SULF1: variants seen among roughly 807,000 people sequenced by gnomAD.
SULF1 encodes extracellular sulfatase Sulf-1.
A neutral mutation model predicts 110.5 loss-of-function variants in SULF1; 46 were observed. The ratio of observed to expected loss-of-function variants is 0.42; its 90% CI spans 0.33 to 0.53. SULF1 has a LOEUF of 0.53. Among genes scored for constraint, SULF1 ranks in the 20% least tolerant of loss-of-function variants. SULF1 has a pLI of 0.12. For synonymous variants in SULF1, 371 were observed against 387.1 expected (o/e 0.96, Z 0.49); for missense variants, 941 against 1,094.2 (o/e 0.86, Z 1.98).
intron 3 of SULF1, among the ~76,000 whole-genome samples, chr8:69,534,350 C>T (rs1399421094): frequency 6.6e-6 from 1 of 152,150 alleles, no homozygotes; most frequent in East Asian, 1.9e-4. Context: ...ATTAAGATCA[C>T]TACATTGTGC....
chr8:69,607,171 G>A (rs1011744002), intron 13 of SULF1, among the ~76,000 whole-genome samples: 3 of 152,228 alleles, frequency 2.0e-5, no homozygotes, highest in African/African-American at 7.2e-5. Flanking sequence ...CCAGCAATCT[G>A]TGTGTTAACA....
rs143819727 is a variant in SULF1 at position 69,632,028 on chromosome 8, A to G, written c.2284+2349A>G. 1.8e-4 allele frequency among the ~76,000 whole-genome samples: 28 copies of G among 152,364 alleles called. No homozygotes were observed. In the East Asian group the frequency reaches 5.4e-3, roughly 29 times the overall value. ...TGATACTGTATTCCTGACCCAAAGG[A>G]ATTGCTTAGTCAATTTTAGGTGAAT... On this transcript the variant is annotated intron_variant, in intron 19 of 22. Coordinates refer to ENST00000402687, the MANE Select transcript of SULF1 (RefSeq NM_001128205.2).
intron 13 of SULF1, 131 bp downstream of exon 13, chr8:69,605,063 C>G (rs1341294379): frequency 8.0e-7 from 1 of 1,249,406 alleles, no homozygotes; most frequent in African/African-American, 1.5e-5. Context: ...AGGGCAAGCT[C>G]ACTGAGACAC....
At chr8:69,624,343 T>A in intron 15 of SULF1, 146 bp downstream of exon 15, 1 of 1,072,984 alleles carries the variant, frequency 9.3e-7, no homozygotes, top group Non-Finnish European at 1.3e-6. Context: ...AACTGGGGGT[T>A]AAAGAAACAA....
At chr8:69,500,676 A>G (rs1810732317) in intron 2 of SULF1, among the ~76,000 whole-genome samples, 1 of 152,182 alleles carries the variant, frequency 6.6e-6, no homozygotes, top group African/African-American at 2.4e-5. Flanking sequence ...CACCATGGAG[A>G]CAGGATGGAA....
intron 3 of SULF1, among the ~76,000 whole-genome samples, chr8:69,506,298 G>A (rs1351664881): frequency 6.6e-6 from 1 of 151,870 alleles, no homozygotes; most frequent in Non-Finnish European, 1.5e-5. Flanking sequence ...CTGTTTAGTT[G>A]CATTTTAATG....
chr8:69,587,182 T>G (rs1303328676), intron 7 of SULF1, among the ~76,000 whole-genome samples: 1 of 152,214 alleles, frequency 6.6e-6, no homozygotes, highest in Non-Finnish European at 1.5e-5. Context: ...AGTTTAAATT[T>G]TTTTCAAATC....
intron 1 of SULF1, among the ~76,000 whole-genome samples, chr8:69,494,192 G>A (rs1349890890): frequency 1.3e-5 from 2 of 152,058 alleles, no homozygotes; most frequent in Admixed American, 1.3e-4. Flanking sequence ...TGATTCATTT[G>A]TAAGGCTTTA....
chr8:69,512,695 C>T (rs1047490124), intron 3 of SULF1, among the ~76,000 whole-genome samples: 2 of 152,156 alleles, frequency 1.3e-5, no homozygotes, highest in East Asian at 1.9e-4. Context: ...TGTCTTAGCA[C>T]GAGTGTTCTT....
intron 3 of SULF1, among the ~76,000 whole-genome samples, chr8:69,535,692 T>C (rs542287885): frequency 1.3e-5 from 2 of 152,002 alleles, no homozygotes; most frequent in African/African-American, 2.4e-5. Flanking sequence ...TATTAGAAAA[T>C]GTATGCCACC....
intron 3 of SULF1, among the ~76,000 whole-genome samples, chr8:69,553,618 C>T (rs540028495): frequency 6.6e-6 from 1 of 152,326 alleles, no homozygotes; most frequent in South Asian, 2.1e-4. Flanking sequence ...AGATTCACAA[C>T]TTTATAAAGC....
At chr8:69,590,266 A>C (rs892107042) in intron 8 of SULF1, among the ~76,000 whole-genome samples, 1 of 152,112 alleles carries the variant, frequency 6.6e-6, no homozygotes, top group African/African-American at 2.4e-5. Context: ...GGTTCAAACA[A>C]TTCTCCCACC....
intron 13 of SULF1, among the ~76,000 whole-genome samples, chr8:69,617,412 TATATATATATATATATATA>T (rs1809254727): frequency 2.3e-5 from 2 of 86,414 alleles, no homozygotes; most frequent in Non-Finnish European, 4.4e-5. Context: ...TATATATATA[TATATATATATATATATATA>T]TATGTTTTTT....
At chr8:69,616,702 G>GTGTTT (rs1809170954) in intron 13 of SULF1, among the ~76,000 whole-genome samples, 22 of 104,592 alleles carry the variant, frequency 2.1e-4, no homozygotes, top group South Asian at 1.4e-3. Context: ...GTGCCCGGCC[G>GTGTTT]TTTTTTTTTT....
At chr8:69,540,014 G>C (rs146015350) in intron 3 of SULF1, among the ~76,000 whole-genome samples, 2 of 152,202 alleles carry the variant, frequency 1.3e-5, no homozygotes, top group African/African-American at 2.4e-5. Flanking sequence ...AGCCATTACA[G>C]TGATCTGGAA....
chr8:69,550,623 C>A (rs1211271331), intron 3 of SULF1, among the ~76,000 whole-genome samples: 1 of 152,168 alleles, frequency 6.6e-6, no homozygotes, highest in East Asian at 1.9e-4. Flanking sequence ...CAGACATGAA[C>A]CCTTTCGGTT....
rs556995415 is a variant in SULF1, at chr8:69,633,645, CATTT to C, written c.2284+3979_2284+3982del. Among the ~76,000 whole-genome samples the C allele has an allele frequency of 8.9e-4, 135 of 151,708 alleles. 1 individual carries two copies. In the South Asian group the frequency reaches 0.013, roughly 15 times the overall value. On this transcript the variant is annotated intron_variant, in intron 19 of 22. Transcript: ENST00000402687. ...AGCCACTGCACCCGGCCAGGACATT[CATTT>C]ATTTATTTATTTTATTATTTTTATT...
chr8:69,470,554 C>A (rs2150529246), intron 1 of SULF1, among the ~76,000 whole-genome samples: 1 of 152,182 alleles, frequency 6.6e-6, no homozygotes, highest in South Asian at 2.1e-4. Flanking sequence ...ATATCTCCCA[C>A]ATGTGGCCCA....
intron 13 of SULF1, among the ~76,000 whole-genome samples, chr8:69,609,435 G>C (rs530806908): frequency 4.1e-4 from 62 of 152,260 alleles, no homozygotes; most frequent in African/African-American, 1.4e-3. Context: ...AGACCAACCA[G>C]GTTAAAAATG....
Sources: allele counts gnomAD v4.1 joint callset (sites outside exome capture counted in the v4.1 genomes callset), GRCh38; gene constraint gnomAD v4.1.1; transcripts MANE v1.5; gene names NCBI Gene and HGNC (gene_info 2026-07-23, HGNC 2026-07-21).